Variants in L3MBTL4 observed in about 807,000 individuals in gnomAD.
The protein encoded by L3MBTL4 is lethal(3)malignant brain tumor-like protein 4.
In L3MBTL4, 70 loss-of-function variants were observed where a neutral mutation model predicts 84.5. The ratio of observed to expected loss-of-function variants is 0.83; its 90% CI spans 0.68 to 1.01. The LOEUF is 1.01. Among genes scored for constraint, L3MBTL4 ranks in the 50% least tolerant of loss-of-function variants. L3MBTL4 has a pLI of 0.00. For synonymous variants in L3MBTL4, 274 were observed against 259.8 expected (o/e 1.05, Z -0.52); for missense variants, 715 against 754.8 (o/e 0.95, Z 0.62).
chr18:6,307,822 T>C (rs138788469), intron 3 of L3MBTL4, among the ~76,000 whole-genome samples: 38 of 152,334 alleles, frequency 2.5e-4, no homozygotes, highest in African/African-American at 8.7e-4. Context: ...GGAATTAACA[T>C]TTTTTCAGTA....
At chr18:6,036,151 T>C (rs1451067239) in intron 16 of L3MBTL4, among the ~76,000 whole-genome samples, 1 of 152,220 alleles carries the variant, frequency 6.6e-6, no homozygotes, top group African/African-American at 2.4e-5. Flanking sequence ...ACGATTAGTG[T>C]TTCGGTTTGG....
At chr18:6,102,332 T>C (rs987220769) in intron 14 of L3MBTL4, among the ~76,000 whole-genome samples, 1 of 152,202 alleles carries the variant, frequency 6.6e-6, no homozygotes, top group African/African-American at 2.4e-5. Context: ...TCTCAATCAG[T>C]GCAGAACTTG....
Position 6,315,495 on chromosome 18 carries a change from G to A in L3MBTL4, c.-90-3439C>T, listed in dbSNP as rs2576279. ...TTTCAATTAATACTTATGACAGCCCGACAATATGTGTACCACTGTCACCCT... is the reference window on the plus strand; with the variant it reads ...TTTCAATTAATACTTATGACAGCCCAACAATATGTGTACCACTGTCACCCT... On this transcript the variant is annotated intron_variant, in intron 1 of 18. Transcript: ENST00000317931. Among the ~76,000 whole-genome samples, 977 of 152,218 alleles carry A rather than the reference G, an allele frequency of 6.4e-3. 13 individuals are homozygous for A. The highest frequency in any genetic ancestry group is 0.023 in the African/African-American group (939 of 41,516).
chr18:6,286,072 C>A (rs547113448), intron 4 of L3MBTL4, among the ~76,000 whole-genome samples: 1 of 151,526 alleles, frequency 6.6e-6, no homozygotes, highest in African/African-American at 2.4e-5. Context: ...CCTCGTGATC[C>A]GCCCGCCTCG....
intron 1 of L3MBTL4, among the ~76,000 whole-genome samples, chr18:6,335,173 C>T (rs2052266294): frequency 6.6e-6 from 1 of 152,166 alleles, no homozygotes; most frequent in South Asian, 2.1e-4. Context: ...TCACTGCAAC[C>T]TCCGTCTCCT....
chr18:5,977,072 G>C (rs1236181374), intron 16 of L3MBTL4, among the ~76,000 whole-genome samples: 2 of 152,128 alleles, frequency 1.3e-5, no homozygotes, highest in East Asian at 1.9e-4. Flanking sequence ...CTTTACAACA[G>C]CTCTCAATGG....
intron 4 of L3MBTL4, among the ~76,000 whole-genome samples, chr18:6,281,947 C>G (rs993629459): frequency 6.6e-6 from 1 of 152,090 alleles, no homozygotes; most frequent in Non-Finnish European, 1.5e-5. Flanking sequence ...CCATTATCAC[C>G]CGGACAGATT....
intron 12 of L3MBTL4, among the ~76,000 whole-genome samples, chr18:6,173,042 A>T (rs911573305): frequency 1.1e-4 from 16 of 152,322 alleles, no homozygotes; most frequent in African/African-American, 3.8e-4. Context: ...TCTTGGCTCC[A>T]CCTCAACCCT....
chr18:6,381,245 T>A (rs1425298880), intron 1 of L3MBTL4, among the ~76,000 whole-genome samples: 1 of 152,214 alleles, frequency 6.6e-6, no homozygotes, highest in Non-Finnish European at 1.5e-5. Context: ...GAGATGGGCC[T>A]CCTGAATACA....
In L3MBTL4 at chr18:6,103,983, C is replaced by A. The variant is rs150640638; in HGVS notation, c.1200-10455G>T. Among the ~76,000 whole-genome samples the A allele has an allele frequency of 2.6e-3, 401 of 152,276 alleles. 3 individuals are homozygous for A. Among genetic ancestry groups the A allele is most frequent in the African/African-American group, 9.1e-3 (378 of 41,554 alleles). On this transcript the variant is annotated intron_variant, in intron 14 of 18. Transcript: ENST00000317931. ...GTCCTGCTGCCCTCCCCACAACAAG[C>A]CATGCTCTGCGGAGTCCTGTGGGGC...
At chr18:6,217,870 C>T (rs2046390189) in intron 10 of L3MBTL4, among the ~76,000 whole-genome samples, 1 of 152,088 alleles carries the variant, frequency 6.6e-6, no homozygotes, top group Non-Finnish European at 1.5e-5. Context: ...ATATTTTACC[C>T]ATCGTTTTTA....
intron 14 of L3MBTL4, among the ~76,000 whole-genome samples, chr18:6,096,338 G>A (rs531350912): frequency 6.6e-6 from 1 of 152,088 alleles, no homozygotes; most frequent in Non-Finnish European, 1.5e-5. Context: ...TTGTCTCTCT[G>A]GTAGTAAGGA....
intron 4 of L3MBTL4, among the ~76,000 whole-genome samples, chr18:6,301,471 C>A (rs2146829171): frequency 6.6e-6 from 1 of 152,174 alleles, no homozygotes; most frequent in South Asian, 2.1e-4. Flanking sequence ...GTATTAATAA[C>A]CATAATGAGG....
chr18:6,033,502 C>T (rs1337153130), intron 16 of L3MBTL4, among the ~76,000 whole-genome samples: 1 of 152,170 alleles, frequency 6.6e-6, no homozygotes, highest in African/African-American at 2.4e-5. Flanking sequence ...CTTACGTCAT[C>T]TTGCTACTAG....
chr18:6,386,124 C>T (rs542135225), intron 1 of L3MBTL4, among the ~76,000 whole-genome samples: 1 of 152,202 alleles, frequency 6.6e-6, no homozygotes, highest in Non-Finnish European at 1.5e-5. Context: ...GATAGCACAC[C>T]AAGCACACAG....
At chr18:6,292,825 C>G (rs73387617) in intron 4 of L3MBTL4, among the ~76,000 whole-genome samples, 28,617 of 151,928 alleles carry the variant, frequency 0.19, 2,804 homozygotes, top group African/African-American at 0.24. Context: ...AAGCCACGTG[C>G]CATAACCTGC....
At chr18:5,991,385 G>T (rs73374482) in intron 16 of L3MBTL4, among the ~76,000 whole-genome samples, 1,551 of 152,240 alleles carry the variant, frequency 0.01, 23 homozygotes, top group African/African-American at 0.031. Context: ...GGAAGAGTCT[G>T]TCTCTTATTC....
intron 14 of L3MBTL4, among the ~76,000 whole-genome samples, chr18:6,123,100 G>A (rs181359472): frequency 1.3e-5 from 2 of 152,242 alleles, no homozygotes; most frequent in Admixed American, 1.3e-4. Flanking sequence ...TTAGGAAAGG[G>A]GGTTATTCTA....
At chr18:6,330,483 A>T (rs1362523082) in intron 1 of L3MBTL4, among the ~76,000 whole-genome samples, 3 of 152,212 alleles carry the variant, frequency 2.0e-5, no homozygotes, top group Non-Finnish European at 4.4e-5. Flanking sequence ...TCTTCTTAGG[A>T]TATGTCACCC....
Sources: allele counts gnomAD v4.1 joint callset (sites outside exome capture counted in the v4.1 genomes callset), GRCh38; gene constraint gnomAD v4.1.1; transcripts MANE v1.5; gene names NCBI Gene and HGNC (gene_info 2026-07-23, HGNC 2026-07-21).